Variants in CSMD3 observed in about 807,000 individuals in gnomAD.
CSMD3 encodes the protein CUB and Sushi multiple domains 3.
In CSMD3, 177 loss-of-function variants were observed where a neutral mutation model predicts 435.2. That is an observed-to-expected ratio of 0.41 (90% CI 0.36 to 0.46). The LOEUF is 0.46. Ranked by LOEUF, CSMD3 falls within the 20% of genes least tolerant of loss-of-function variation. The pLI, the probability that CSMD3 is intolerant of heterozygous loss-of-function variation, is 0.34. For missense variants in CSMD3, 4,265 were observed against 4,504.6 expected (o/e 0.95, Z 1.52); for synonymous variants, 1,656 against 1,520.5 (o/e 1.09, Z -2.07).
Position 112,763,993 on chromosome 8 carries a change from T to A in CSMD3, c.1972+36169A>T, listed in dbSNP as rs2077912487. 2.0e-5 allele frequency among the ~76,000 whole-genome samples: 3 copies of A among 151,534 alleles called. No individual in the cohort carries two copies. In the South Asian group the frequency reaches 6.2e-4, roughly 31 times the overall value. ...AAAATACTGAATTTCCCTAAAGTTTTAAACTTTTATATCTTCAAAATGAAT... is the reference window on the plus strand; with the variant it reads ...AAAATACTGAATTTCCCTAAAGTTTAAAACTTTTATATCTTCAAAATGAAT... On this transcript the variant is annotated intron_variant, in intron 13 of 70. Transcript: ENST00000297405.
Position 112,346,140 on chromosome 8 carries a change from G to A in CSMD3, c.6399C>T (p.Ser2133=), listed in dbSNP as rs141293957. 1.4e-3 allele frequency: 2,338 copies of A among 1,612,842 alleles called. 5 individuals are homozygous for A. Among genetic ancestry groups the A allele is most frequent in the Non-Finnish European group, 1.8e-3 (2,094 of 1,178,914 alleles). ...TTATTGTCCATGTGCAATCTAAACTGCTGGGATAGTTTCCAGGAAACCCAG... is the reference window on the plus strand; with the variant it reads ...TTATTGTCCATGTGCAATCTAAACTACTGGGATAGTTTCCAGGAAACCCAG... The part of the protein sequence containing the change: ...LSPGFPGNYP[S]SLDCTWTINL... The change falls in exon 41 of 71, where the codon AGC becomes AGT. Residue 2133 remains serine (S), a synonymous_variant. Coordinates refer to ENST00000297405, the MANE Select transcript of CSMD3 (RefSeq NM_198123.2).
At chr8:112,980,959 G>C (rs1021217606) in intron 6 of CSMD3, among the ~76,000 whole-genome samples, 2 of 151,368 alleles carry the variant, frequency 1.3e-5, no homozygotes, top group East Asian at 1.9e-4. Context: ...AGGGGAAATA[G>C]AAATGTTTTA....
chr8:113,110,969 G>C lies in CSMD3; in HGVS notation c.710-12006C>G, dbSNP rs189566488. The stretch of plus-strand genomic sequence containing the variant: ...CTTATGTGGTAGAAGGGTTGAATGA[G>C]CTCCTGTGGGCCTATTTTATAAGGG... On this transcript the variant is annotated intron_variant, in intron 4 of 70. Transcript: ENST00000297405. Among the ~76,000 whole-genome samples, 745 of 152,256 alleles carry C rather than the reference G, an allele frequency of 4.9e-3. 1 individual carries two copies. Among genetic ancestry groups the C allele is most frequent in the Non-Finnish European group, 7.3e-3 (494 of 68,022 alleles).
intron 1 of CSMD3, among the ~76,000 whole-genome samples, chr8:113,416,632 T>G (rs1176256585): frequency 6.6e-6 from 1 of 152,102 alleles, no homozygotes; most frequent in African/African-American, 2.4e-5. Context: ...ATACATTTGC[T>G]GGAGTGTACC....
At chr8:112,250,273 A>G (rs1319579290) in intron 63 of CSMD3, among the ~76,000 whole-genome samples, 1 of 151,950 alleles carries the variant, frequency 6.6e-6, no homozygotes, top group Non-Finnish European at 1.5e-5. Flanking sequence ...TGCTTTAAAT[A>G]TTAACCAAAT....
intron 3 of CSMD3, among the ~76,000 whole-genome samples, chr8:113,177,320 ATT>A (rs887118183): frequency 6.6e-6 from 1 of 151,924 alleles, no homozygotes; most frequent in Non-Finnish European, 1.5e-5. Flanking sequence ...ATAATGAAGA[ATT>A]TTTTTGTAAT....
At chr8:112,233,569 T>C (rs936894964) in intron 68 of CSMD3, among the ~76,000 whole-genome samples, 10 of 152,276 alleles carry the variant, frequency 6.6e-5, no homozygotes, top group African/African-American at 2.4e-4. Context: ...GCCTACTAGA[T>C]GGTAGGCTTC....
At chr8:112,695,891 A>C (rs1364715957) in intron 13 of CSMD3, among the ~76,000 whole-genome samples, 1 of 152,204 alleles carries the variant, frequency 6.6e-6, no homozygotes, top group Non-Finnish European at 1.5e-5. Context: ...AAGTCTCAGG[A>C]CACAAAACCA....
At position 112,472,618 on chromosome 8, in the gene CSMD3, A is replaced by G; in HGVS notation, c.5368T>C (p.Tyr1790His). The G allele has an allele frequency of 6.3e-7, 1 of 1,599,614 alleles. No individual in the cohort carries two copies. Among genetic ancestry groups the G allele is most frequent in the Non-Finnish European group, 8.6e-7 (1 of 1,166,954 alleles). The stretch of plus-strand genomic sequence containing the variant: ...AACTCCTTTGGAACTGCTATAGAAT[A>G]AACACAATTATGTCCCACACTGTAA... The part of the protein sequence containing the change: ...KNYSVGHNCV[Y>H]SIAVPKEFVV... The change falls in exon 32 of 71, where the codon TAT becomes CAT. Residue 1790 changes from tyrosine (Y) to histidine (H), a missense_variant. Tyr to His is a moderately conservative substitution (Grantham distance 83). Around this residue, in one of 3 missense-constraint regions of CSMD3, gnomAD observed 3,255 missense variants for 3,380.2 expected, o/e 0.96. Transcript: ENST00000297405.
intron 22 of CSMD3, among the ~76,000 whole-genome samples, chr8:112,614,150 A>G (rs1833488282): frequency 6.6e-6 from 1 of 152,126 alleles, no homozygotes; most frequent in Non-Finnish European, 1.5e-5. Context: ...AAAGCATTGC[A>G]GGCAGAGGGA....
intron 38 of CSMD3, among the ~76,000 whole-genome samples, chr8:112,355,813 A>G (rs1586860456): frequency 6.6e-6 from 1 of 152,242 alleles, no homozygotes; most frequent in Middle Eastern, 3.4e-3. Context: ...AGCCTGGGCG[A>G]CAGAGCTGGA....
At chr8:112,724,732 G>T (rs777084076) in intron 13 of CSMD3, among the ~76,000 whole-genome samples, 15 of 152,018 alleles carry the variant, frequency 9.9e-5, no homozygotes, top group Admixed American at 5.9e-4. Flanking sequence ...CAACCCAGAG[G>T]TTATTGCTGA....
intron 2 of CSMD3, among the ~76,000 whole-genome samples, chr8:113,283,854 T>A (rs1427606481): frequency 1.3e-5 from 2 of 152,124 alleles, no homozygotes; most frequent in African/African-American, 4.8e-5. Flanking sequence ...AACGAGTGGA[T>A]AAAGAAACTG....
At chr8:112,403,776 G>A (rs1354132006) in intron 35 of CSMD3, among the ~76,000 whole-genome samples, 1 of 151,984 alleles carries the variant, frequency 6.6e-6, no homozygotes, top group Non-Finnish European at 1.5e-5. Context: ...GGGGCGGTGG[G>A]GTGAGGGAGA....
At position 113,280,277 on chromosome 8, in the gene CSMD3, T is replaced by C. The variant is rs568549061; in HGVS notation, c.402-1573A>G. 3.9e-5 allele frequency among the ~76,000 whole-genome samples: 6 copies of C among 152,054 alleles called. No individual in the cohort carries two copies. The South Asian group carries it at 1.2e-3, about 31-fold the overall frequency. On this transcript the variant is annotated intron_variant, in intron 2 of 70. Coordinates refer to ENST00000297405, the MANE Select transcript of CSMD3 (RefSeq NM_198123.2). ...TTGAATGTCTGGTAGAATTCTGCTG[T>C]GAATCTGTCTGGTCTTGGACTTTTT...
chr8:113,137,385 TTTA>T (rs1467781700), intron 4 of CSMD3, among the ~76,000 whole-genome samples: 3 of 151,668 alleles, frequency 2.0e-5, no homozygotes, highest in East Asian at 3.9e-4. Flanking sequence ...ATAAAAAGAG[TTTA>T]TTAATTCAGA....
chr8:112,683,115 G>A (rs1210655694), intron 15 of CSMD3, among the ~76,000 whole-genome samples: 2 of 151,760 alleles, frequency 1.3e-5, no homozygotes, highest in African/African-American at 4.8e-5. Context: ...AATCTAGTAT[G>A]AAACTGTTAC....
intron 25 of CSMD3, among the ~76,000 whole-genome samples, chr8:112,552,991 C>T (rs556795301): frequency 4.2e-4 from 64 of 152,134 alleles, no homozygotes; most frequent in Admixed American, 6.6e-4. Context: ...AGTTAGGATT[C>T]CAAACATTTT....
chr8:112,826,482 A>G (rs995145688), intron 12 of CSMD3, among the ~76,000 whole-genome samples: 6 of 152,110 alleles, frequency 3.9e-5, no homozygotes, highest in African/African-American at 1.4e-4. Flanking sequence ...GGATCATCCA[A>G]TCTGTGGGTT....
Sources: allele counts gnomAD v4.1 joint callset (sites outside exome capture counted in the v4.1 genomes callset), GRCh38; gene constraint gnomAD v4.1.1; regional missense constraint gnomAD v4.1.1; transcripts MANE v1.5; gene names NCBI Gene and HGNC (gene_info 2026-07-23, HGNC 2026-07-21).